Variants in ZNF385D observed in about 807,000 individuals in gnomAD.
The protein encoded by ZNF385D is zinc finger protein 659.
In ZNF385D, 15 loss-of-function variants were observed where a neutral mutation model predicts 35.8. That is an observed-to-expected ratio of 0.42 (90% CI 0.28 to 0.64). ZNF385D has a LOEUF of 0.64. Ranked by LOEUF, ZNF385D falls within the 30% of genes least tolerant of loss-of-function variation. The pLI, the probability that ZNF385D is intolerant of heterozygous loss-of-function variation, is 0.23. For missense variants in ZNF385D, 474 were observed against 494.6 expected (o/e 0.96, Z 0.39); for synonymous variants, 212 against 186.8 (o/e 1.13, Z -1.10).
At chr3:22,358,033 C>G (rs1380531445) in intron 2 of ZNF385D, among the ~76,000 whole-genome samples, 4 of 151,850 alleles carry the variant, frequency 2.6e-5, no homozygotes, top group Admixed American at 1.3e-4. Flanking sequence ...TGAATTATAT[C>G]CATATTTCCA....
chr3:22,190,536 C>G lies in ZNF385D; in HGVS notation c.107-21501G>C, dbSNP rs539896516. 8.3e-4 allele frequency among the ~76,000 whole-genome samples: 126 copies of G among 152,226 alleles called. 1 individual carries two copies. The Middle Eastern group carries it at 0.01, about 12-fold the overall frequency. ...ATATAATGGCTAGCAGCCACAAGTTCATAAAGTAATTGCTAATATCGTTAA... is the reference window on the plus strand; with the variant it reads ...ATATAATGGCTAGCAGCCACAAGTTGATAAAGTAATTGCTAATATCGTTAA... On this transcript the variant is annotated intron_variant, in intron 2 of 5. Coordinates refer to the ZNF385D transcript ENST00000494108.
intron 3 of ZNF385D, among the ~76,000 whole-genome samples, chr3:22,108,368 G>GTT (rs199890876): frequency 1.0e-4 from 15 of 145,196 alleles, no homozygotes; most frequent in East Asian, 8.0e-4. Context: ...GGTTTTTTTT[G>GTT]TTTTTTTTTT....
chr3:22,177,317 T>C (rs978300611), intron 2 of ZNF385D, among the ~76,000 whole-genome samples: 3 of 152,168 alleles, frequency 2.0e-5, no homozygotes, highest in Admixed American at 2.0e-4. Flanking sequence ...ACATAAAACT[T>C]AAGAAAGGTT....
At chr3:21,813,221 A>G (rs62239203) in intron 3 of ZNF385D, among the ~76,000 whole-genome samples, 45,786 of 152,054 alleles carry the variant, frequency 0.3, 7,783 homozygotes, top group Non-Finnish European at 0.38. Flanking sequence ...ACCAAAGGTA[A>G]ATAAAACCAC....
intron 3 of ZNF385D, among the ~76,000 whole-genome samples, chr3:21,942,830 A>T (rs12639321): frequency 0.25 from 37,961 of 152,076 alleles, 4,933 homozygotes; most frequent in East Asian, 0.32. Flanking sequence ...ATCCCTAATC[A>T]CAGATATAAT....
chr3:21,945,534 G>A (rs1349549005), intron 3 of ZNF385D, among the ~76,000 whole-genome samples: 2 of 152,164 alleles, frequency 1.3e-5, no homozygotes, highest in African/African-American at 4.8e-5. Context: ...GAGCTATCAA[G>A]ATTAAATTAT....
chr3:21,903,157 CG>C (rs1367841769), intron 3 of ZNF385D, among the ~76,000 whole-genome samples: 3 of 152,240 alleles, frequency 2.0e-5, no homozygotes, highest in Admixed American at 2.0e-4. Flanking sequence ...CTAAATCTCC[CG>C]GTCATCTTTC....
intron 3 of ZNF385D, among the ~76,000 whole-genome samples, chr3:22,023,499 C>A (rs11918720): frequency 0.053 from 8,109 of 152,190 alleles, 669 homozygotes; most frequent in African/African-American, 0.17. Flanking sequence ...TACATCAAAA[C>A]CCATCTTTGC....
intron 3 of ZNF385D, among the ~76,000 whole-genome samples, chr3:22,065,092 G>A (rs1259180836): frequency 1.3e-5 from 2 of 152,086 alleles, no homozygotes; most frequent in Non-Finnish European, 2.9e-5. Flanking sequence ...AGCCTTTCCT[G>A]GCTTTGATTT....
rs1329930158 is a variant in ZNF385D at position 21,908,452 on chromosome 3, A to G, written c.326-243424T>C. ...CTACTGTGCATGTCAACATTTGAGG[A>G]TAAATAATAAAAATCCAAGTGTGTA... is the stretch of plus-strand genomic sequence containing the variant. On this transcript the variant is annotated intron_variant, in intron 3 of 5. Transcript: ENST00000494108. 7.2e-5 allele frequency among the ~76,000 whole-genome samples: 11 copies of G among 152,208 alleles called. No homozygotes were observed. In the East Asian group the frequency reaches 1.4e-3, roughly 19 times the overall value.
chr3:22,269,558 T>C (rs1701068210), intron 2 of ZNF385D, among the ~76,000 whole-genome samples: 1 of 151,884 alleles, frequency 6.6e-6, no homozygotes, highest in Admixed American at 6.6e-5. Flanking sequence ...ATTTGAGTAA[T>C]GGAGGAGAGA....
chr3:21,624,247 A>C (rs960334473), intron 2 of ZNF385D, among the ~76,000 whole-genome samples: 2 of 152,016 alleles, frequency 1.3e-5, no homozygotes, highest in African/African-American at 4.8e-5. Flanking sequence ...CTGCCCTTGG[A>C]GCTTCCCAGC....
intron 3 of ZNF385D, among the ~76,000 whole-genome samples, chr3:21,928,116 G>A (rs1011455584): frequency 6.6e-6 from 1 of 151,972 alleles, no homozygotes; most frequent in African/African-American, 2.4e-5. Context: ...CCCAGCTAGT[G>A]GGGAAGCTAA....
intron 3 of ZNF385D, among the ~76,000 whole-genome samples, chr3:21,554,643 T>C (rs978201854): frequency 1.3e-5 from 2 of 152,206 alleles, no homozygotes. Context: ...AATCTTCCAA[T>C]AGAATGCTCT....
At chr3:21,569,918 G>T (rs1333695247) in intron 2 of ZNF385D, among the ~76,000 whole-genome samples, 5 of 129,642 alleles carry the variant, frequency 3.9e-5, no homozygotes, top group African/African-American at 5.8e-5. Flanking sequence ...TGGGGTGGGG[G>T]GGCAGGGAGG....
intron 4 of ZNF385D, among the ~76,000 whole-genome samples, chr3:21,445,544 A>G (rs2125260161): frequency 6.6e-6 from 1 of 152,340 alleles, no homozygotes; most frequent in East Asian, 1.9e-4. Flanking sequence ...ATTTAATATC[A>G]AAGCATTGTC....
intron 2 of ZNF385D, among the ~76,000 whole-genome samples, chr3:22,169,855 C>A (rs1417915668): frequency 6.6e-6 from 1 of 152,144 alleles, no homozygotes; most frequent in Non-Finnish European, 1.5e-5. Context: ...AGTGCAGTGG[C>A]ATGATCTTGG....
At chr3:21,983,254 G>A (rs867115754) in intron 3 of ZNF385D, among the ~76,000 whole-genome samples, 6 of 142,190 alleles carry the variant, frequency 4.2e-5, no homozygotes, top group South Asian at 2.3e-4. Flanking sequence ...ATGCTGGTGC[G>A]CTGCACCCAC....
intron 3 of ZNF385D, among the ~76,000 whole-genome samples, chr3:21,865,022 T>A (rs1697267938): frequency 7.3e-6 from 1 of 136,180 alleles, no homozygotes; most frequent in Non-Finnish European, 1.6e-5. Flanking sequence ...TTGCAGCAAT[T>A]ACTCTGTGGG....
Sources: allele counts gnomAD v4.1 joint callset (sites outside exome capture counted in the v4.1 genomes callset), GRCh38; gene constraint gnomAD v4.1.1; transcripts MANE v1.5; gene names NCBI Gene and HGNC (gene_info 2026-07-23, HGNC 2026-07-21).